SLC39A11: variants seen among roughly 807,000 people sequenced by gnomAD.
The protein encoded by SLC39A11 is zinc transporter ZIP11.
Under a neutral mutation model 36.1 loss-of-function variants are expected in SLC39A11, and 33 were observed. The ratio of observed to expected loss-of-function variants is 0.91; its 90% CI spans 0.69 to 1.22. The LOEUF (loss-of-function observed/expected upper bound fraction) is 1.22, where lower values mean the gene tolerates loss of function less well. SLC39A11 is among the 50% of genes most tolerant of loss of function. The pLI is 0.00. For missense variants in SLC39A11, 432 were observed against 430.3 expected (o/e 1.00, Z -0.03); for synonymous variants, 166 against 170.3 (o/e 0.97, Z 0.20).
chr17:73,074,681 A>C (rs886825002), intron 3 of SLC39A11, among the ~76,000 whole-genome samples: 2 of 152,142 alleles, frequency 1.3e-5, no homozygotes, highest in Admixed American at 6.5e-5. Flanking sequence ...TCCAGACTCA[A>C]GCCATCACTG....
chr17:73,004,167 G>GAAAGAAAGAAAGA (rs1568105076), intron 4 of SLC39A11, among the ~76,000 whole-genome samples: 5 of 43,980 alleles, frequency 1.1e-4, no homozygotes, highest in African/African-American at 4.5e-4. Flanking sequence ...AGGAAAAAAA[G>GAAAGAAAGAAAGA]AAAGAAAGAA....
chr17:72,968,603 G>A (rs541780928), intron 4 of SLC39A11, among the ~76,000 whole-genome samples: 12 of 152,226 alleles, frequency 7.9e-5, no homozygotes, highest in East Asian at 1.9e-4. Flanking sequence ...CAGAGGCCTC[G>A]CTCTTCACAC....
intron 6 of SLC39A11, among the ~76,000 whole-genome samples, chr17:72,834,827 G>A (rs1221544808): frequency 1.4e-4 from 21 of 152,100 alleles, no homozygotes; most frequent in Admixed American, 1.2e-3. Context: ...TAATACAATC[G>A]ACGTGGAAAT....
chr17:73,049,180 G>A (rs2059415576), intron 3 of SLC39A11, among the ~76,000 whole-genome samples: 1 of 152,200 alleles, frequency 6.6e-6, no homozygotes, highest in Non-Finnish European at 1.5e-5. Context: ...TTTCAAGCAG[G>A]GCAGGATCTG....
chr17:72,659,202 G>A (rs745549573), intron 7 of SLC39A11, among the ~76,000 whole-genome samples: 8 of 152,152 alleles, frequency 5.3e-5, no homozygotes, highest in Non-Finnish European at 1.2e-4. Context: ...CTTATAATCT[G>A]ATACACAGCA....
intron 3 of SLC39A11, among the ~76,000 whole-genome samples, chr17:73,082,184 T>G (rs2144762145): frequency 6.6e-6 from 1 of 151,254 alleles, no homozygotes; most frequent in African/African-American, 2.4e-5. Context: ...TTAATTTAAT[T>G]TTTTAAATTT....
chr17:73,054,316 C>A (rs1373044957), intron 3 of SLC39A11, among the ~76,000 whole-genome samples: 1 of 150,522 alleles, frequency 6.6e-6, no homozygotes, highest in African/African-American at 2.4e-5. Flanking sequence ...GAGCCAAGAT[C>A]GCCACTGCAC....
chr17:72,740,923 C>T (rs1272818158), intron 6 of SLC39A11, among the ~76,000 whole-genome samples: 11 of 152,106 alleles, frequency 7.2e-5, no homozygotes, highest in African/African-American at 2.4e-4. Flanking sequence ...TACAGGCGTG[C>T]ACCACCATGC....
rs189289316 is a variant in SLC39A11, at chr17:72,867,252, C to T, written c.431-17448G>A. Among the ~76,000 whole-genome samples, 53 of 152,270 alleles carry T rather than the reference C, an allele frequency of 3.5e-4. No individual in the cohort carries two copies. In the East Asian group the frequency reaches 0.01, roughly 29 times the overall value. On this transcript the variant is annotated intron_variant, in intron 5 of 9. Coordinates refer to ENST00000255559, the MANE Select transcript of SLC39A11 (RefSeq NM_139177.4). ...TGGTGGCTCACACCTGTAATCCCAG[C>T]ACTTTAGGAGGCCAAGGCAGGCAGC...
At chr17:72,684,396 G>A (rs2071645825) in intron 7 of SLC39A11, among the ~76,000 whole-genome samples, 1 of 152,194 alleles carries the variant, frequency 6.6e-6, no homozygotes, top group African/African-American at 2.4e-5. Flanking sequence ...AAACACTAAT[G>A]AGCCTACAAG....
At chr17:72,837,865 T>G (rs1230767255) in intron 6 of SLC39A11, 1 of 998,810 alleles carries the variant, frequency 1.0e-6, no homozygotes, top group East Asian at 3.3e-5. Flanking sequence ...CAAAGTAGAT[T>G]AGTGCAGGGG....
intron 4 of SLC39A11, among the ~76,000 whole-genome samples, chr17:72,971,317 T>TACACACAC (rs533324650): frequency 2.1e-5 from 3 of 144,642 alleles, no homozygotes; most frequent in African/African-American, 7.6e-5. Context: ...CACACACACA[T>TACACACAC]ACACACACAC....
intron 7 of SLC39A11, among the ~76,000 whole-genome samples, chr17:72,680,635 T>C (rs2071473333): frequency 6.6e-6 from 1 of 152,236 alleles, no homozygotes; most frequent in Admixed American, 6.5e-5. Context: ...CTTTCTTCTA[T>C]AAATTACCCA....
At chr17:72,974,874 T>C (rs1185753991) in intron 4 of SLC39A11, among the ~76,000 whole-genome samples, 1 of 152,200 alleles carries the variant, frequency 6.6e-6, no homozygotes, top group Non-Finnish European at 1.5e-5. Flanking sequence ...CTCTTCTATG[T>C]TCAGATACAC....
At chr17:72,719,943 A>G (rs1459330932) in intron 7 of SLC39A11, among the ~76,000 whole-genome samples, 1 of 152,094 alleles carries the variant, frequency 6.6e-6, no homozygotes, top group African/African-American at 2.4e-5. Flanking sequence ...TGCTCTGAGA[A>G]GGTGACTTGT....
At chr17:72,704,714 C>CG (rs1240849218) in intron 7 of SLC39A11, among the ~76,000 whole-genome samples, 2 of 100,166 alleles carry the variant, frequency 2.0e-5, no homozygotes, top group African/African-American at 5.3e-5. Flanking sequence ...TGGCAGTTCC[C>CG]TGGGGGGTCC....
chr17:73,044,162 A>C (rs1375199655), intron 3 of SLC39A11, among the ~76,000 whole-genome samples: 1 of 152,144 alleles, frequency 6.6e-6, no homozygotes, highest in Non-Finnish European at 1.5e-5. Context: ...GAAAAAAAAA[A>C]AATCTACCAT....
At chr17:73,003,574 G>A (rs183715101) in intron 4 of SLC39A11, among the ~76,000 whole-genome samples, 2 of 152,298 alleles carry the variant, frequency 1.3e-5, no homozygotes, top group East Asian at 3.9e-4. Context: ...TGAACACGGA[G>A]AGGGCAGAGA....
chr17:72,738,793 C>T (rs762110362), intron 6 of SLC39A11, among the ~76,000 whole-genome samples: 13 of 152,146 alleles, frequency 8.5e-5, no homozygotes, highest in South Asian at 4.1e-4. Context: ...GAGAGGAACT[C>T]GTTTTCTTTT....
Sources: allele counts gnomAD v4.1 joint callset (sites outside exome capture counted in the v4.1 genomes callset), GRCh38; gene constraint gnomAD v4.1.1; transcripts MANE v1.5; gene names NCBI Gene and HGNC (gene_info 2026-07-23, HGNC 2026-07-21).